Variants in RBFOX1 observed in about 807,000 individuals in gnomAD.
RBFOX1 encodes the protein RNA binding fox-1 homolog 1.
A neutral mutation model predicts 57.7 loss-of-function variants in RBFOX1; 8 were observed. That is an observed-to-expected ratio of 0.14 (90% CI 0.08 to 0.25). The LOEUF is 0.25. Ranked by LOEUF, RBFOX1 falls within the 10% of genes least tolerant of loss-of-function variation. The pLI, the probability that RBFOX1 is intolerant of heterozygous loss-of-function variation, is 1.00. For synonymous variants in RBFOX1, 326 were observed against 222.4 expected (o/e 1.47, Z -4.15); for missense variants, 611 against 548.5 (o/e 1.11, Z -1.14).
At chr16:5,802,272 C>T (rs560447238) in intron 3 of RBFOX1, among the ~76,000 whole-genome samples, 1 of 152,226 alleles carries the variant, frequency 6.6e-6, no homozygotes, top group South Asian at 2.1e-4. Flanking sequence ...CCTTTTCTTC[C>T]TCTTCTCCCC....
At chr16:6,702,398 A>G (rs950355550) in intron 3 of RBFOX1, among the ~76,000 whole-genome samples, 1 of 152,184 alleles carries the variant, frequency 6.6e-6, no homozygotes, top group African/African-American at 2.4e-5. Flanking sequence ...TACTAAAAAT[A>G]CAAAAATCTG....
At chr16:6,003,922 A>G (rs138549221) in intron 4 of RBFOX1, among the ~76,000 whole-genome samples, 5 of 152,218 alleles carry the variant, frequency 3.3e-5, no homozygotes, top group African/African-American at 1.2e-4. Flanking sequence ...TGGCTTTTCT[A>G]TGAAGTCTCC....
intron 11 of RBFOX1, among the ~76,000 whole-genome samples, chr16:7,644,580 G>GT (rs1478179815): frequency 1.3e-5 from 2 of 152,072 alleles, no homozygotes; most frequent in African/African-American, 4.8e-5. Context: ...ATTTTCTTTC[G>GT]TAACTGTAGG....
chr16:6,416,154 G>A (rs1022260006), intron 2 of RBFOX1, among the ~76,000 whole-genome samples: 1 of 152,214 alleles, frequency 6.6e-6, no homozygotes, highest in African/African-American at 2.4e-5. Flanking sequence ...TGGTGCAGCA[G>A]TGTCCTCGAA....
At chr16:7,345,577 T>G (rs896521678) in intron 4 of RBFOX1, among the ~76,000 whole-genome samples, 1 of 152,158 alleles carries the variant, frequency 6.6e-6, no homozygotes, top group Non-Finnish European at 1.5e-5. Flanking sequence ...CAGCAGATGT[T>G]GGATGTGTTC....
At chr16:6,656,849 A>T (rs987953525) in intron 3 of RBFOX1, among the ~76,000 whole-genome samples, 2 of 151,956 alleles carry the variant, frequency 1.3e-5, no homozygotes, top group African/African-American at 2.4e-5. Flanking sequence ...GACTTTTTTT[A>T]AAAAAGAGTC....
At chr16:5,914,811 C>A (rs534656344) in intron 4 of RBFOX1, among the ~76,000 whole-genome samples, 1 of 152,204 alleles carries the variant, frequency 6.6e-6, no homozygotes, top group African/African-American at 2.4e-5. Context: ...AGGAGAATGG[C>A]ATGAACCTGG....
chr16:5,598,871 C>G, intron 2 of RBFOX1: 1 of 1,465,996 alleles, frequency 6.8e-7, no homozygotes, highest in Non-Finnish European at 9.0e-7. Context: ...GCTTCCCCAA[C>G]CTTTTTCTCT....
intron 1 of RBFOX1, among the ~76,000 whole-genome samples, chr16:6,279,811 A>G (rs1020975149): frequency 2.0e-5 from 3 of 152,190 alleles, no homozygotes; most frequent in African/African-American, 7.2e-5. Flanking sequence ...AACAAAAGAT[A>G]ATGATAAATG....
At chr16:7,486,204 C>G (rs1057396413) in intron 4 of RBFOX1, among the ~76,000 whole-genome samples, 3 of 140,466 alleles carry the variant, frequency 2.1e-5, no homozygotes, top group African/African-American at 7.9e-5. Flanking sequence ...CTCGCTGCAA[C>G]CTCTGACTCC....
At chr16:5,626,135 C>G (rs2048345376) in intron 3 of RBFOX1, among the ~76,000 whole-genome samples, 1 of 152,226 alleles carries the variant, frequency 6.6e-6, no homozygotes, top group African/African-American at 2.4e-5. Context: ...CCGCCTCGGC[C>G]TCCCAAAGTG....
intron 2 of RBFOX1, among the ~76,000 whole-genome samples, chr16:6,649,584 T>G: frequency 6.6e-6 from 1 of 152,200 alleles, no homozygotes; most frequent in East Asian, 1.9e-4. Context: ...CCTCATCGCT[T>G]AGCTCCCACT....
chr16:6,692,806 A>G (rs1266309519), intron 3 of RBFOX1, among the ~76,000 whole-genome samples: 8 of 152,050 alleles, frequency 5.3e-5, no homozygotes, highest in Non-Finnish European at 1.2e-4. Context: ...TATCAGTACT[A>G]TCACTACCAT....
intron 4 of RBFOX1, among the ~76,000 whole-genome samples, chr16:5,935,072 T>A (rs1413390755): frequency 6.6e-6 from 1 of 152,222 alleles, no homozygotes; most frequent in Non-Finnish European, 1.5e-5. Context: ...TTAAGAGAAT[T>A]CAGCTGCCTT....
At chr16:7,355,831 T>C (rs1166465069) in intron 4 of RBFOX1, among the ~76,000 whole-genome samples, 4 of 152,226 alleles carry the variant, frequency 2.6e-5, no homozygotes, top group Non-Finnish European at 2.9e-5. Flanking sequence ...ATAATTTCTT[T>C]TCCTTTCAAC....
At chr16:6,829,477 C>T (rs1191506388) in intron 3 of RBFOX1, among the ~76,000 whole-genome samples, 3 of 108,436 alleles carry the variant, frequency 2.8e-5, no homozygotes, top group African/African-American at 1.4e-4. Flanking sequence ...TACCACTCAA[C>T]CATTAAAAAA....
intron 3 of RBFOX1, among the ~76,000 whole-genome samples, chr16:5,721,857 CCAGA>C (rs2051948584): frequency 6.6e-6 from 1 of 152,158 alleles, no homozygotes; most frequent in African/African-American, 2.4e-5. Flanking sequence ...TAAACCGGTC[CCAGA>C]CAGAGGACCA....
At chr16:7,338,567 T>A (rs145926407) in intron 4 of RBFOX1, among the ~76,000 whole-genome samples, 2 of 152,166 alleles carry the variant, frequency 1.3e-5, no homozygotes, top group East Asian at 3.9e-4. Context: ...TTAAAAAAAA[T>A]TCTTTTGTAG....
At chr16:6,759,545 A>T (rs937538639) in intron 3 of RBFOX1, among the ~76,000 whole-genome samples, 1 of 148,720 alleles carries the variant, frequency 6.7e-6, no homozygotes, top group Admixed American at 6.7e-5. Flanking sequence ...TGTCCATCTG[A>T]CAGTTGCTGT....
Sources: allele counts gnomAD v4.1 joint callset (sites outside exome capture counted in the v4.1 genomes callset), GRCh38; gene constraint gnomAD v4.1.1; transcripts MANE v1.5; gene names NCBI Gene and HGNC (gene_info 2026-07-23, HGNC 2026-07-21).